The following RBFOX1 variants were observed in gnomAD, a reference collection of about 807,000 sequenced individuals.
The protein encoded by RBFOX1 is RNA binding protein fox-1 homolog 1.
A neutral mutation model predicts 57.7 loss-of-function variants in RBFOX1; 8 were observed. That is an observed-to-expected ratio of 0.14 (90% CI 0.08 to 0.25). The LOEUF (loss-of-function observed/expected upper bound fraction) is 0.25. RBFOX1 is among the 10% of genes least tolerant of loss of function. The pLI is 1.00. For missense variants in RBFOX1, 611 were observed against 548.5 expected, an observed-to-expected ratio of 1.11 and a Z score of -1.14; for synonymous variants, 326 against 222.4, an observed-to-expected ratio of 1.47 and a Z score of -4.15.
intron 4 of RBFOX1, among the ~76,000 whole-genome samples, chr16:7,172,232 C>G (rs1375899327): frequency 6.6e-6 from 1 of 152,104 alleles, no homozygotes; most frequent in Non-Finnish European, 1.5e-5. Context: ...AATCCACATA[C>G]TCTTCAATAA....
At chr16:7,081,457 G>A (rs962503228) in intron 4 of RBFOX1, among the ~76,000 whole-genome samples, 1 of 152,140 alleles carries the variant, frequency 6.6e-6, no homozygotes, top group African/African-American at 2.4e-5. Context: ...GGAATCAAAG[G>A]GAAGCTGTTC....
At chr16:6,851,681 G>C (rs979567668) in intron 3 of RBFOX1, among the ~76,000 whole-genome samples, 1 of 152,094 alleles carries the variant, frequency 6.6e-6, no homozygotes, top group Non-Finnish European at 1.5e-5. Context: ...GAAGACATGG[G>C]TGAGATAACA....
In RBFOX1 at chr16:6,604,764, A is replaced by C. The variant is rs528439209; in HGVS notation, c.-63-49839A>C. On this transcript the variant is annotated intron_variant, in intron 2 of 15. Transcript: ENST00000550418. Reference sequence around the variant, plus strand: ...AATTCAATAGGAATATATGATTCCAAGATTCTATAATTCTTTCTTTCTTAC... The same window carrying C: ...AATTCAATAGGAATATATGATTCCACGATTCTATAATTCTTTCTTTCTTAC... Among the ~76,000 whole-genome samples the C allele has an allele frequency of 5.3e-5, 8 of 152,320 alleles. No individual in the cohort carries two copies. In the East Asian group the frequency reaches 1.2e-3, roughly 22 times the overall value.
chr16:7,203,143 G>A (rs1179248399), intron 4 of RBFOX1, among the ~76,000 whole-genome samples: 2 of 152,158 alleles, frequency 1.3e-5, no homozygotes, highest in Non-Finnish European at 2.9e-5. Context: ...TAATACAAGT[G>A]TTTATCAATG....
chr16:5,369,509 G>C (rs1005048188), intron 1 of RBFOX1, among the ~76,000 whole-genome samples: 1 of 152,200 alleles, frequency 6.6e-6, no homozygotes, highest in African/African-American at 2.4e-5. Flanking sequence ...TTAATGCTGA[G>C]GACGTTCTCC....
At chr16:7,228,269 C>G (rs2093277311) in intron 4 of RBFOX1, among the ~76,000 whole-genome samples, 1 of 152,126 alleles carries the variant, frequency 6.6e-6, no homozygotes, top group African/African-American at 2.4e-5. Flanking sequence ...CTGATCAGAG[C>G]TGAGGACTAT....
At chr16:7,648,986 C>A (rs766357359) in intron 11 of RBFOX1, among the ~76,000 whole-genome samples, 2 of 152,126 alleles carry the variant, frequency 1.3e-5, no homozygotes, top group African/African-American at 4.8e-5. Flanking sequence ...GGGATTGTGA[C>A]TAAGTTTCAG....
At chr16:6,203,571 T>A (rs2152834202) in intron 1 of RBFOX1, among the ~76,000 whole-genome samples, 1 of 152,286 alleles carries the variant, frequency 6.6e-6, no homozygotes, top group Non-Finnish European at 1.5e-5. Context: ...CTCATGGAGA[T>A]TCTGACTTCA....
chr16:6,780,498 TTTTATATATTTA>T (rs1236600062), intron 3 of RBFOX1, among the ~76,000 whole-genome samples: 2 of 67,548 alleles, frequency 3.0e-5, no homozygotes, highest in Non-Finnish European at 8.8e-5. Context: ...TTATATACAT[TTTTATATATTTA>T]TATATACATT....
intron 3 of RBFOX1, among the ~76,000 whole-genome samples, chr16:5,829,428 T>G (rs1236449861): frequency 2.0e-5 from 3 of 152,168 alleles, no homozygotes; most frequent in Non-Finnish European, 4.4e-5. Context: ...TGAAATCATC[T>G]GGGGAAGAAA....
At chr16:6,185,974 A>G (rs915729302) in intron 1 of RBFOX1, among the ~76,000 whole-genome samples, 1 of 152,162 alleles carries the variant, frequency 6.6e-6, no homozygotes, top group East Asian at 1.9e-4. Flanking sequence ...CTAAATAGCT[A>G]TGACTTAAAG....
At chr16:7,058,377 C>T (rs749868373) in intron 4 of RBFOX1, among the ~76,000 whole-genome samples, 1 of 152,124 alleles carries the variant, frequency 6.6e-6, no homozygotes, top group East Asian at 1.9e-4. Flanking sequence ...AGCCCCAGAG[C>T]ATCTCTTTGC....
chr16:5,846,840 G>T (rs2056769598), intron 3 of RBFOX1, among the ~76,000 whole-genome samples: 1 of 152,216 alleles, frequency 6.6e-6, no homozygotes, highest in Admixed American at 6.5e-5. Context: ...TGGGGACTTG[G>T]GATTACCTTC....
intron 13 of RBFOX1, 107 bp downstream of exon 13, chr16:7,665,075 G>A (rs1456342359): frequency 6.2e-7 from 1 of 1,602,352 alleles, no homozygotes; most frequent in Admixed American, 1.7e-5. Context: ...TTCTCTCCTT[G>A]GTCTGTAGGA....
chr16:6,494,553 A>G (rs909895283), intron 2 of RBFOX1, among the ~76,000 whole-genome samples: 16 of 152,204 alleles, frequency 1.1e-4, no homozygotes, highest in Non-Finnish European at 1.9e-4. Context: ...TTTGCATGGT[A>G]TATATATGTA....
intron 3 of RBFOX1, among the ~76,000 whole-genome samples, chr16:6,841,008 A>G (rs556649420): frequency 2.5e-4 from 38 of 152,184 alleles, no homozygotes; most frequent in South Asian, 2.1e-4. Context: ...ATCTGCCAGC[A>G]CCTTGGGCTT....
At position 6,101,017 on chromosome 16, in the gene RBFOX1, T is replaced by G. The variant is rs556679252; in HGVS notation, c.-127+81025T>G. 6.6e-5 allele frequency among the ~76,000 whole-genome samples: 10 copies of G among 152,256 alleles called. No individual in the cohort carries two copies. The South Asian group carries it at 1.9e-3, about 28-fold the overall frequency. On this transcript the variant is annotated intron_variant, in intron 1 of 15. Transcript: ENST00000550418. Reference sequence around the variant, plus strand: ...AGGTACAGGTTCCTCCTATAGAGTTTTAGGGTCAGATGTCAGTTTTACCCC... The same window carrying G: ...AGGTACAGGTTCCTCCTATAGAGTTGTAGGGTCAGATGTCAGTTTTACCCC...
At chr16:6,833,252 G>A (rs781131683) in intron 3 of RBFOX1, among the ~76,000 whole-genome samples, 51 of 151,436 alleles carry the variant, frequency 3.4e-4, no homozygotes, top group African/African-American at 1.0e-3. Context: ...TACAACCTCC[G>A]CCTCCCAGAT....
intron 1 of RBFOX1, among the ~76,000 whole-genome samples, chr16:5,460,887 C>T (rs566124591): frequency 2.1e-4 from 32 of 152,070 alleles, no homozygotes; most frequent in Non-Finnish European, 3.2e-4. Context: ...GTTTTGGCAT[C>T]GCGTAGTAGC....
Sources: gnomAD v4.1 joint callset for allele counts (sites outside exome capture counted in the v4.1 genomes callset) on GRCh38, gnomAD v4.1.1 for gene constraint, MANE v1.5 for transcripts, NCBI Gene and HGNC (gene_info 2026-07-23, HGNC 2026-07-21) for gene names.